NBEA: variants seen among roughly 807,000 people sequenced by gnomAD.
The protein encoded by NBEA is neurobeachin.
A neutral mutation model predicts 343.4 loss-of-function variants in NBEA; 44 were observed. The ratio of observed to expected loss-of-function variants is 0.13; its 90% CI spans 0.10 to 0.16. The LOEUF (loss-of-function observed/expected upper bound fraction) is 0.16, where lower values mean the gene tolerates loss of function less well. Ranked by LOEUF, NBEA falls within the 10% of genes least tolerant of loss-of-function variation. The pLI, the probability that NBEA is intolerant of heterozygous loss-of-function variation, is 1.00. For synonymous variants in NBEA, 1,175 were observed against 1,238.7 expected (o/e 0.95, Z 1.08); for missense variants, 2,555 against 3,631.3 (o/e 0.70, Z 7.62).
At chr13:35,582,410 A>G (rs555108043) in intron 45 of NBEA, among the ~76,000 whole-genome samples, 1 of 152,314 alleles carries the variant, frequency 6.6e-6, no homozygotes, top group East Asian at 1.9e-4. Flanking sequence ...ATGTTGTTTT[A>G]AATATTAAGA....
Position 35,186,840 on chromosome 13 carries a change from T to C in NBEA, c.4927+2769T>C, listed in dbSNP as rs147936199. On this transcript the variant is annotated intron_variant, in intron 30 of 58. Transcript: ENST00000379939. ...AGTAGTTGTCTAAATTAATCACCAG[T>C]TCACTTTCGGTGAACAACACAGGCC... Among the ~76,000 whole-genome samples, 136 of 152,248 alleles carry C rather than the reference T, an allele frequency of 8.9e-4. 1 individual carries two copies. In the East Asian group the frequency reaches 0.016, roughly 18 times the overall value.
At chr13:35,646,137 C>A (rs1350622211) in intron 50 of NBEA, 122 bp from the exon 51 acceptor site, 12 of 780,848 alleles carry the variant, frequency 1.5e-5, no homozygotes, top group Non-Finnish European at 2.3e-5. Flanking sequence ...AAAAGAGCAC[C>A]CGTTGAATTT....
chr13:35,531,399 T>A (rs2078256411), intron 41 of NBEA, among the ~76,000 whole-genome samples: 1 of 152,220 alleles, frequency 6.6e-6, no homozygotes, highest in African/African-American at 2.4e-5. Flanking sequence ...TCTGACCATA[T>A]TTGTCTAAAT....
In NBEA at chr13:35,595,228, T is replaced by TG. The variant is rs1465299875; in HGVS notation, c.7296+1787dup. ...TTTACATTTTATTACTAATTGTATTTGGGGGGCTCCTGGGTTCACATCATC... is the reference window on the plus strand; with the variant it reads ...TTTACATTTTATTACTAATTGTATTTGGGGGGGCTCCTGGGTTCACATCATC... On this transcript the variant is annotated intron_variant, in intron 47 of 58. Coordinates refer to ENST00000379939, the MANE Select transcript of NBEA (RefSeq NM_001385012.1). 9.2e-5 allele frequency among the ~76,000 whole-genome samples: 14 copies of TG among 152,164 alleles called. No homozygotes were observed. In the East Asian group the frequency reaches 2.1e-3, roughly 23 times the overall value.
At chr13:35,266,075 G>A (rs980157799) in intron 34 of NBEA, among the ~76,000 whole-genome samples, 4 of 151,990 alleles carry the variant, frequency 2.6e-5, no homozygotes, top group Admixed American at 2.0e-4. Flanking sequence ...AATACAAGTG[G>A]CCAAGAGGTA....
At chr13:35,340,074 C>T (rs554745896) in intron 36 of NBEA, among the ~76,000 whole-genome samples, 8 of 152,112 alleles carry the variant, frequency 5.3e-5, no homozygotes, top group African/African-American at 1.9e-4. Flanking sequence ...ATTGCAGATC[C>T]TAAGAAATTT....
chr13:35,633,702 A>G (rs2083569719), intron 49 of NBEA, among the ~76,000 whole-genome samples: 1 of 152,088 alleles, frequency 6.6e-6, no homozygotes, highest in African/African-American at 2.4e-5. Flanking sequence ...GGAGAAAAAT[A>G]TGTGAAAATA....
At chr13:34,959,507 A>G (rs945963794) in intron 1 of NBEA, among the ~76,000 whole-genome samples, 2 of 152,112 alleles carry the variant, frequency 1.3e-5, no homozygotes, top group African/African-American at 2.4e-5. Flanking sequence ...CTTTTGAACT[A>G]TTAACAGTTT....
chr13:35,247,560 C>A (rs1355814421), intron 34 of NBEA, among the ~76,000 whole-genome samples: 1 of 152,072 alleles, frequency 6.6e-6, no homozygotes, highest in Non-Finnish European at 1.5e-5. Context: ...TCACGTTCCC[C>A]AGTGAGGGTG....
At chr13:35,626,385 C>A (rs187719789) in intron 48 of NBEA, among the ~76,000 whole-genome samples, 5 of 152,256 alleles carry the variant, frequency 3.3e-5, no homozygotes, top group African/African-American at 1.2e-4. Context: ...ACTCATGATT[C>A]CATTAGGTAT....
chr13:34,954,038 G>C (rs536971873), intron 1 of NBEA, among the ~76,000 whole-genome samples: 19 of 152,284 alleles, frequency 1.2e-4, no homozygotes, highest in African/African-American at 4.3e-4. Flanking sequence ...TGGAAAAATT[G>C]TCTTCCATGA....
At chr13:35,548,141 T>C (rs1039875401) in intron 41 of NBEA, among the ~76,000 whole-genome samples, 5 of 152,180 alleles carry the variant, frequency 3.3e-5, no homozygotes, top group Admixed American at 6.5e-5. Context: ...CAAAGTTTAA[T>C]GCTATGACAG....
chr13:35,488,352 T>A (rs2076378677), intron 41 of NBEA, among the ~76,000 whole-genome samples: 1 of 151,948 alleles, frequency 6.6e-6, no homozygotes, highest in Non-Finnish European at 1.5e-5. Flanking sequence ...GTATAGTTTT[T>A]TTTCCAAATA....
intron 39 of NBEA, among the ~76,000 whole-genome samples, chr13:35,434,518 G>A (rs2045312635): frequency 6.6e-6 from 1 of 152,106 alleles, no homozygotes. Flanking sequence ...TCAGGGAATC[G>A]ACATGGTACT....
chr13:35,048,766 AG>A, intron 5 of NBEA, 82 bp downstream of exon 5: 1 of 771,224 alleles, frequency 1.3e-6, no homozygotes, highest in South Asian at 2.1e-5. Context: ...CAACTTAGAT[AG>A]AATATATGTA....
intron 10 of NBEA, among the ~76,000 whole-genome samples, chr13:35,081,443 T>C (rs894820090): frequency 3.9e-5 from 6 of 152,218 alleles, no homozygotes; most frequent in African/African-American, 1.4e-4. Flanking sequence ...CTTGATAAAA[T>C]ACATATATTA....
intron 45 of NBEA, among the ~76,000 whole-genome samples, chr13:35,572,056 T>C (rs1214323167): frequency 6.6e-6 from 1 of 152,182 alleles, no homozygotes; most frequent in African/African-American, 2.4e-5. Flanking sequence ...CTATGTTTAT[T>C]GTTTGACATG....
At chr13:35,666,344 G>A (rs1279147172) in intron 56 of NBEA, among the ~76,000 whole-genome samples, 3 of 150,500 alleles carry the variant, frequency 2.0e-5, no homozygotes. Context: ...TGGACACATA[G>A]GATATTTTCA....
At chr13:35,223,504 A>G (rs970060227) in intron 33 of NBEA, among the ~76,000 whole-genome samples, 9 of 152,104 alleles carry the variant, frequency 5.9e-5, no homozygotes, top group African/African-American at 2.2e-4. Flanking sequence ...TGTCATTCTT[A>G]TCTTTGTTCC....
Sources: gnomAD v4.1 joint callset for allele counts (sites outside exome capture counted in the v4.1 genomes callset) on GRCh38, gnomAD v4.1.1 for gene constraint, MANE v1.5 for transcripts, NCBI Gene and HGNC (gene_info 2026-07-23, HGNC 2026-07-21) for gene names.